The following SPATA16 variants were observed in gnomAD, a reference collection of about 807,000 sequenced individuals.
SPATA16 encodes the protein spermatogenesis-associated protein 16.
SPATA16 carries 36 observed loss-of-function variants against 63.3 expected under a neutral mutation model. The observed-to-expected ratio is 0.57, with a 90% CI of 0.44 to 0.75. The LOEUF (loss-of-function observed/expected upper bound fraction) is 0.75, where lower values mean the gene tolerates loss of function less well. SPATA16 is among the 30% of genes least tolerant of loss of function. The pLI is 0.00. For synonymous variants in SPATA16, 203 were observed against 216.7 expected (o/e 0.94, Z 0.56); for missense variants, 646 against 679.3 (o/e 0.95, Z 0.54).
At chr3:173,131,955 A>G (rs1577191734) in intron 1 of SPATA16, among the ~76,000 whole-genome samples, 1 of 152,320 alleles carries the variant, frequency 6.6e-6, no homozygotes, top group South Asian at 2.1e-4. Context: ...AAACATCTCA[A>G]GATAACAATT....
intron 4 of SPATA16, among the ~76,000 whole-genome samples, chr3:173,008,165 A>G (rs989330050): frequency 1.3e-5 from 2 of 152,230 alleles, no homozygotes; most frequent in African/African-American, 2.4e-5. Context: ...TCCAGGTTGC[A>G]GATCCGATAC....
At chr3:172,973,482 C>T (rs898926160) in intron 5 of SPATA16, among the ~76,000 whole-genome samples, 1 of 152,152 alleles carries the variant, frequency 6.6e-6, no homozygotes, top group African/African-American at 2.4e-5. Flanking sequence ...TCTCACTTCA[C>T]TTTGCTGAGC....
intron 10 of SPATA16, among the ~76,000 whole-genome samples, chr3:172,893,223 G>T (rs75863469): frequency 0.019 from 2,950 of 152,140 alleles, 30 homozygotes; most frequent in Middle Eastern, 0.058. Flanking sequence ...GGGTATTTAC[G>T]TAGCTAATCA....
intron 3 of SPATA16, among the ~76,000 whole-genome samples, chr3:173,029,077 G>A (rs981995229): frequency 1.3e-5 from 2 of 151,958 alleles, no homozygotes; most frequent in African/African-American, 4.8e-5. Context: ...TCAACATAAG[G>A]GGGGACTTAC....
At position 173,100,839 on chromosome 3, in the gene SPATA16, C is replaced by A. The variant is rs573238471; in HGVS notation, c.612+16281G>T. On this transcript the variant is annotated intron_variant, in intron 2 of 10. Coordinates refer to ENST00000351008, the MANE Select transcript of SPATA16 (RefSeq NM_031955.6). ...ATGTTTCCTCTGAAGTGGTCATAAA[C>A]AATTACTTAGTAATGTTTCAAATAT... Among the ~76,000 whole-genome samples, 6 of 152,200 alleles carry A rather than the reference C, an allele frequency of 3.9e-5. No individual in the cohort carries two copies. In the South Asian group the frequency reaches 1.0e-3, roughly 26 times the overall value.
At chr3:172,956,201 A>G (rs373377891) in intron 6 of SPATA16, among the ~76,000 whole-genome samples, 34 of 152,258 alleles carry the variant, frequency 2.2e-4, no homozygotes, top group African/African-American at 6.5e-4. Flanking sequence ...TGTGTCCTCT[A>G]TGGGACTCTT....
At chr3:172,995,001 A>G (rs1734663967) in intron 4 of SPATA16, among the ~76,000 whole-genome samples, 1 of 152,130 alleles carries the variant, frequency 6.6e-6, no homozygotes, top group African/African-American at 2.4e-5. Flanking sequence ...GCTTGAATAT[A>G]AAAGGTGGAG....
intron 6 of SPATA16, among the ~76,000 whole-genome samples, chr3:172,927,778 A>G (rs1172186144): frequency 6.6e-6 from 1 of 152,246 alleles, no homozygotes; most frequent in African/African-American, 2.4e-5. Context: ...GACGGGAAAC[A>G]TGCCATAGGA....
intron 6 of SPATA16, among the ~76,000 whole-genome samples, chr3:172,953,015 C>T (rs1733478784): frequency 6.6e-6 from 1 of 151,736 alleles, no homozygotes; most frequent in Non-Finnish European, 1.5e-5. Context: ...TGACAACAAC[C>T]TCTATTCCCA....
chr3:173,072,471 T>C (rs77916280), intron 2 of SPATA16, among the ~76,000 whole-genome samples: 4 of 152,076 alleles, frequency 2.6e-5, no homozygotes, highest in Non-Finnish European at 5.9e-5. Flanking sequence ...AAGAGACCCA[T>C]TGTGAGATAA....
chr3:172,894,501 A>C (rs2109540274), intron 10 of SPATA16, among the ~76,000 whole-genome samples: 1 of 150,754 alleles, frequency 6.6e-6, no homozygotes, highest in South Asian at 2.1e-4. Context: ...CAAAAAAAAA[A>C]AAAAGCCAAA....
At chr3:172,960,806 T>G (rs1733731403) in intron 5 of SPATA16, among the ~76,000 whole-genome samples, 1 of 152,082 alleles carries the variant, frequency 6.6e-6, no homozygotes, top group Admixed American at 6.5e-5. Flanking sequence ...TAGCCAGAAT[T>G]AAGCTGGCAG....
chr3:172,892,818 G>T (rs2109538940), intron 10 of SPATA16, among the ~76,000 whole-genome samples: 1 of 152,324 alleles, frequency 6.6e-6, no homozygotes, highest in Non-Finnish European at 1.5e-5. Flanking sequence ...GAATCTACTT[G>T]CTTAACTGTA....
Position 172,961,647 on chromosome 3 carries a change from G to A in SPATA16, c.934-4823C>T, listed in dbSNP as rs143103543. Among the ~76,000 whole-genome samples, 672 of 152,204 alleles carry A rather than the reference G, an allele frequency of 4.4e-3. 4 individuals carry two copies. The highest frequency in any genetic ancestry group is 0.014 in the Middle Eastern group (4 of 294). Reference sequence around the variant, plus strand: ...TGACCTCAGGTGATCCTTCTGCTTCGGCTTCCCAAAGTACTGGATTACAGG... The same window carrying A: ...TGACCTCAGGTGATCCTTCTGCTTCAGCTTCCCAAAGTACTGGATTACAGG... On this transcript the variant is annotated intron_variant, in intron 5 of 10. Transcript: ENST00000351008.
At chr3:172,952,557 C>A (rs781338579) in intron 6 of SPATA16, among the ~76,000 whole-genome samples, 1 of 152,026 alleles carries the variant, frequency 6.6e-6, no homozygotes, top group Non-Finnish European at 1.5e-5. Flanking sequence ...CACATCTGTC[C>A]GTTTTTCCTT....
At chr3:172,996,097 T>C (rs1271401679) in intron 4 of SPATA16, among the ~76,000 whole-genome samples, 3 of 152,138 alleles carry the variant, frequency 2.0e-5, no homozygotes, top group Non-Finnish European at 4.4e-5. Flanking sequence ...AGTTATTACA[T>C]AGAATGTCTT....
rs145501637 is a variant in SPATA16, at chr3:173,051,279, A to G, written c.613-2185T>C. Among the ~76,000 whole-genome samples the G allele has an allele frequency of 5.2e-3, 783 of 151,958 alleles. 6 individuals carry two copies. Among genetic ancestry groups the G allele is most frequent in the African/African-American group, 0.017 (714 of 41,432 alleles). Reference sequence around the variant, plus strand: ...GTGTAGTGGCGCGATCTCTCCTCACAGCAACCTCTGCCTCCCGGGTTCAAG... The same window carrying G: ...GTGTAGTGGCGCGATCTCTCCTCACGGCAACCTCTGCCTCCCGGGTTCAAG... On this transcript the variant is annotated intron_variant, in intron 2 of 10. Coordinates refer to ENST00000351008, the MANE Select transcript of SPATA16 (RefSeq NM_031955.6).
chr3:172,924,345 A>G, intron 7 of SPATA16, 28 bp from the exon 8 acceptor site: 1 of 1,545,648 alleles, frequency 6.5e-7, no homozygotes, highest in Non-Finnish European at 8.9e-7. Flanking sequence ...AAACTTTTAT[A>G]CTATTTTCTC....
intron 2 of SPATA16, among the ~76,000 whole-genome samples, chr3:173,079,675 A>C (rs1383238140): frequency 6.6e-6 from 1 of 152,202 alleles, no homozygotes; most frequent in Non-Finnish European, 1.5e-5. Context: ...CAGTTAGCAC[A>C]TATTGAAGTT....
Sources: gnomAD v4.1 joint callset for allele counts (sites outside exome capture counted in the v4.1 genomes callset) on GRCh38, gnomAD v4.1.1 for gene constraint, MANE v1.5 for transcripts, NCBI Gene and HGNC (gene_info 2026-07-23, HGNC 2026-07-21) for gene names.